Variants in EIF4EBP2 observed in about 807,000 individuals in gnomAD.
EIF4EBP2 encodes eukaryotic translation initiation factor 4E binding protein 2.
In EIF4EBP2, 5 loss-of-function variants were observed where a neutral mutation model predicts 10.3. That is an observed-to-expected ratio of 0.48 (90% CI 0.25 to 1.02). The LOEUF (loss-of-function observed/expected upper bound fraction) is 1.02. EIF4EBP2 is among the 50% of genes least tolerant of loss of function. EIF4EBP2 has a pLI of 0.15. For synonymous variants in EIF4EBP2, 67 were observed against 61.1 expected, an observed-to-expected ratio of 1.10 and a Z score of -0.45; for missense variants, 188 against 162.2, an observed-to-expected ratio of 1.16 and a Z score of -0.86.
At chr10:70,420,624 G>A (rs896834608) in intron 2 of EIF4EBP2, among the ~76,000 whole-genome samples, 1 of 152,170 alleles carries the variant, frequency 6.6e-6, no homozygotes, top group African/African-American at 2.4e-5. Context: ...TAGTTGGTGG[G>A]AGAAAAGAAT....
At chr10:70,404,819 C>T (rs1844951889) in intron 1 of EIF4EBP2, among the ~76,000 whole-genome samples, 1 of 152,250 alleles carries the variant, frequency 6.6e-6, no homozygotes, top group South Asian at 2.1e-4. Flanking sequence ...ACGCATTCGA[C>T]CCAGTTCTCT....
At chr10:70,415,073 G>C (rs1442901124) in intron 1 of EIF4EBP2, among the ~76,000 whole-genome samples, 1 of 151,290 alleles carries the variant, frequency 6.6e-6, no homozygotes, top group African/African-American at 2.4e-5. Flanking sequence ...CAGGAGGACC[G>C]CTTGAGCCCA....
At chr10:70,411,157 C>G (rs1392899752) in intron 1 of EIF4EBP2, among the ~76,000 whole-genome samples, 1 of 152,122 alleles carries the variant, frequency 6.6e-6, no homozygotes, top group African/African-American at 2.4e-5. Context: ...CCATCACCAC[C>G]ATCCATCTTC....
chr10:70,422,978 A>T lies in EIF4EBP2; in HGVS notation c.*1231A>T, dbSNP rs907420796. ...CTGAATTTCTCTCCCTACCTCCCTC[A>T]CTTTCTTCCTCTCTCCTTCCTTTCC... is the stretch of plus-strand genomic sequence containing the variant. On this transcript the variant is annotated 3_prime_UTR_variant, in exon 3 of 3. Coordinates refer to ENST00000373218, the MANE Select transcript of EIF4EBP2 (RefSeq NM_004096.5). 1.3e-5 allele frequency: 2 copies of T among 151,406 alleles called. No homozygotes were observed. The highest frequency in any genetic ancestry group is 4.9e-5 in the African/African-American group (2 of 41,066). The allele number at this position is 151,406 out of a possible 1,614,324, so 9.4% of individuals were successfully genotyped here. A position where few individuals can be genotyped will look rare whatever the true frequency, so the allele number is the denominator to read the frequency against.
chr10:70,410,656 A>C (rs772631382), intron 1 of EIF4EBP2, among the ~76,000 whole-genome samples: 2 of 152,270 alleles, frequency 1.3e-5, no homozygotes, highest in Non-Finnish European at 2.9e-5. Context: ...TGAAAGAATA[A>C]AAAGCAGAGA....
At chr10:70,415,483 T>C (rs572450387) in intron 1 of EIF4EBP2, among the ~76,000 whole-genome samples, 10 of 141,738 alleles carry the variant, frequency 7.1e-5, no homozygotes, top group African/African-American at 2.6e-4. Context: ...TCCAGAACAA[T>C]CTTGAAAAAG....
chr10:70,422,053 T>C lies in EIF4EBP2; in HGVS notation c.*306T>C. The C allele has an allele frequency of 2.7e-6, 1 of 377,296 alleles. No individual in the cohort carries two copies. Among genetic ancestry groups the C allele is most frequent in the Non-Finnish European group, 4.8e-6 (1 of 206,434 alleles). 23.4% of individuals were successfully genotyped at this position (377,296 alleles called of 1,614,324 possible). A position where few individuals can be genotyped will look rare whatever the true frequency, so the allele number is the denominator to read the frequency against. On this transcript the variant is annotated 3_prime_UTR_variant, in exon 3 of 3. Coordinates refer to ENST00000373218, the MANE Select transcript of EIF4EBP2 (RefSeq NM_004096.5). ...TCAACTCTGACTTTCCTAGTTGTTTTTTTATTGAGAGCCACCCTCATACCC... is the reference window on the plus strand; with the variant it reads ...TCAACTCTGACTTTCCTAGTTGTTTCTTTATTGAGAGCCACCCTCATACCC...
intron 1 of EIF4EBP2, among the ~76,000 whole-genome samples, chr10:70,408,008 C>A (rs865936614): frequency 1.5e-3 from 51 of 34,038 alleles, no homozygotes; most frequent in Middle Eastern, 0.014. Flanking sequence ...CCCTCCCGGA[C>A]GGGGCGGCTG....
intron 1 of EIF4EBP2, among the ~76,000 whole-genome samples, chr10:70,409,465 TGAGA>T (rs1329530158): frequency 6.6e-6 from 1 of 152,192 alleles, no homozygotes; most frequent in Non-Finnish European, 1.5e-5. Context: ...ATTTTATTAT[TGAGA>T]GAAATTGGGA....
intron 1 of EIF4EBP2, among the ~76,000 whole-genome samples, 199 bp downstream of exon 1, chr10:70,404,745 C>G (rs1442225708): frequency 6.6e-6 from 1 of 152,218 alleles, no homozygotes; most frequent in Non-Finnish European, 1.5e-5. Context: ...GGCGCGCGCC[C>G]CACTCGGGAA....
Position 70,425,929 on chromosome 10 carries a change from C to A in EIF4EBP2, c.*4182C>A, listed in dbSNP as rs1373592108. 1 of 152,208 alleles carries A rather than the reference C, an allele frequency of 6.6e-6. No homozygotes were observed. Among genetic ancestry groups the A allele is most frequent in the Non-Finnish European group, 1.5e-5 (1 of 68,044 alleles). 9.4% of individuals were successfully genotyped at this position (152,208 alleles called of 1,614,324 possible). A position where few individuals can be genotyped will look rare whatever the true frequency, so the allele number is the denominator to read the frequency against. On this transcript the variant is annotated 3_prime_UTR_variant, in exon 3 of 3. Coordinates refer to ENST00000373218, the MANE Select transcript of EIF4EBP2 (RefSeq NM_004096.5). ...AGTCGGTGCTTGGTACCTGGTCTCT[C>A]CAGTCTCAACAGACTCAGGTCAGGT...
intron 1 of EIF4EBP2, among the ~76,000 whole-genome samples, chr10:70,411,015 T>C (rs1001869846): frequency 6.6e-6 from 1 of 152,242 alleles, no homozygotes; most frequent in African/African-American, 2.4e-5. Context: ...GCATCTTTTT[T>C]CTTAGTTCCT....
At chr10:70,405,266 C>T (rs1355690435) in intron 1 of EIF4EBP2, among the ~76,000 whole-genome samples, 1 of 152,146 alleles carries the variant, frequency 6.6e-6, no homozygotes, top group Non-Finnish European at 1.5e-5. Flanking sequence ...ATTGAAGGAC[C>T]TTTGTCAAGG....
chr10:70,411,694 A>T (rs528765481), intron 1 of EIF4EBP2, among the ~76,000 whole-genome samples: 1 of 152,120 alleles, frequency 6.6e-6, no homozygotes, highest in African/African-American at 2.4e-5. Flanking sequence ...GGCTCAGATG[A>T]CCCTCTTGCC....
Position 70,404,499 on chromosome 10 carries a change from A to G in EIF4EBP2, c.98A>G (p.Asp33Gly). 1.3e-6 allele frequency: 2 copies of G among 1,595,830 alleles called. No individual in the cohort carries two copies. Among genetic ancestry groups the G allele is most frequent in the Non-Finnish European group, 1.7e-6 (2 of 1,173,788 alleles). Residue 33 changes from aspartate to glycine, a missense_variant, in exon 1 of 3, where the codon GAC (aspartate) becomes GGC (glycine). Coordinates refer to ENST00000373218, the MANE Select transcript of EIF4EBP2 (RefSeq NM_004096.5). ...AISDAAQLPH[D>G]YCTTPGGTLF... is the part of the protein sequence containing the mutation. ...AGCGACGCCGCGCAGCTACCTCATG[A>G]CTATTGCACCACGCCCGGGGGGACG... is the stretch of plus-strand genomic sequence containing the variant.
Position 70,426,244 on chromosome 10 carries a change from A to G in EIF4EBP2, c.*4497A>G, listed in dbSNP as rs1319516786. 3 of 152,020 alleles carry G rather than the reference A, an allele frequency of 2.0e-5. No individual in the cohort carries two copies. The highest frequency in any genetic ancestry group is 4.8e-5 in the African/African-American group (2 of 41,332). 9.4% of individuals were successfully genotyped at this position (152,020 alleles called of 1,614,324 possible). On this transcript the variant is annotated 3_prime_UTR_variant, in exon 3 of 3. Coordinates refer to ENST00000373218, the MANE Select transcript of EIF4EBP2 (RefSeq NM_004096.5). ...GATTTCAGATGACCTTAAAGATGCA[A>G]TATCTTTTTCTTTCTTTCTTTCTTT...
intron 1 of EIF4EBP2, among the ~76,000 whole-genome samples, chr10:70,410,735 GAA>G (rs887642974): frequency 1.3e-5 from 2 of 152,212 alleles, no homozygotes; most frequent in African/African-American, 4.8e-5. Context: ...GTGGGAGAGA[GAA>G]AGACAGGCTT....
chr10:70,420,554 TC>T (rs1283705772), intron 2 of EIF4EBP2, among the ~76,000 whole-genome samples: 2 of 152,040 alleles, frequency 1.3e-5, no homozygotes, highest in African/African-American at 4.8e-5. Context: ...GTTTCCCTCC[TC>T]CCCCAAAGGT....
In EIF4EBP2 at chr10:70,420,076, A is replaced by G. The variant is rs149497231; in HGVS notation, c.308A>G (p.Asn103Ser). 1.7e-5 allele frequency: 27 copies of G among 1,608,790 alleles called. No homozygotes were observed. The highest frequency in any genetic ancestry group is 2.2e-5 in the Non-Finnish European group (26 of 1,178,306). The change falls in exon 2 of 3, where the codon AAT becomes AGT. Residue 103 changes from asparagine (N) to serine (S), a missense_variant. Coordinates refer to ENST00000373218, the MANE Select transcript of EIF4EBP2 (RefSeq NM_004096.5). Reference protein sequence around the residue: ...VEVNNLNNLNNHDRKHAVGDD... With the variant: ...VEVNNLNNLNSHDRKHAVGDD... The stretch of plus-strand genomic sequence containing the variant: ...GTAAACAATTTGAACAACTTGAACA[A>G]TCACGACAGGAAACATGCAGTTGGT...
Sources: allele counts gnomAD v4.1 joint callset (sites outside exome capture counted in the v4.1 genomes callset), GRCh38; gene constraint gnomAD v4.1.1; transcripts MANE v1.5; gene names NCBI Gene and HGNC (gene_info 2026-07-23, HGNC 2026-07-21).